The following TMEM132D variants were observed in gnomAD, a reference collection of about 807,000 sequenced individuals.
TMEM132D encodes the protein mature OL transmembrane protein.
TMEM132D carries 21 observed loss-of-function variants against 62.3 expected under a neutral mutation model. That is an observed-to-expected ratio of 0.34 (90% CI 0.24 to 0.49). TMEM132D has a LOEUF of 0.49. Among genes scored for constraint, TMEM132D ranks in the 20% least tolerant of loss-of-function variants. TMEM132D has a pLI of 0.99. For synonymous variants in TMEM132D, 621 were observed against 575.6 expected (o/e 1.08, Z -1.13); for missense variants, 1,346 against 1,402.8 (o/e 0.96, Z 0.65).
At chr12:129,829,532 G>A (rs1252444161) in intron 1 of TMEM132D, among the ~76,000 whole-genome samples, 3 of 152,082 alleles carry the variant, frequency 2.0e-5, no homozygotes, top group African/African-American at 7.2e-5. Context: ...CCAAACTCAG[G>A]GCCTCCTTGT....
At chr12:129,180,975 T>C (rs1018369726) in intron 5 of TMEM132D, among the ~76,000 whole-genome samples, 7 of 151,946 alleles carry the variant, frequency 4.6e-5, no homozygotes, top group African/African-American at 1.7e-4. Flanking sequence ...AGAGCATGAT[T>C]CGATGGAGGT....
intron 2 of TMEM132D, among the ~76,000 whole-genome samples, chr12:129,606,672 C>G (rs1565920488): frequency 6.6e-6 from 1 of 152,178 alleles, no homozygotes; most frequent in Non-Finnish European, 1.5e-5. Context: ...ATAGGGAGAA[C>G]TCAGAACTAA....
chr12:129,516,329 T>C (rs570762968), intron 3 of TMEM132D, among the ~76,000 whole-genome samples: 3 of 152,312 alleles, frequency 2.0e-5, no homozygotes, highest in African/African-American at 7.2e-5. Flanking sequence ...GAAACCTAGT[T>C]CCACCATGTA....
At chr12:129,429,458 G>C (rs1208455445) in intron 3 of TMEM132D, among the ~76,000 whole-genome samples, 1 of 151,988 alleles carries the variant, frequency 6.6e-6, no homozygotes, top group Admixed American at 6.6e-5. Flanking sequence ...CAAAGAAGAG[G>C]CCCCCCCAGG....
At chr12:129,691,121 T>G (rs917719550) in intron 2 of TMEM132D, among the ~76,000 whole-genome samples, 1 of 151,990 alleles carries the variant, frequency 6.6e-6, no homozygotes, top group Non-Finnish European at 1.5e-5. Context: ...AAATTTAAAG[T>G]ATTTTAAACT....
In TMEM132D at chr12:129,371,428, AGAT is replaced by A. The variant is rs202137778; in HGVS notation, c.1116-33614_1116-33612del. Among the ~76,000 whole-genome samples, 287 of 151,184 alleles carry A rather than the reference AGAT, an allele frequency of 1.9e-3. No individual in the cohort carries two copies. Among genetic ancestry groups the A allele is most frequent in the African/African-American group, 6.3e-3 (260 of 41,114 alleles). ...ATGATGATGATGATGGTGATAATGGAGATGATGATGATGTGATATTGATGATGG... is the reference window on the plus strand; with the variant it reads ...ATGATGATGATGATGGTGATAATGGAGATGATGATGTGATATTGATGATGG... On this transcript the variant is annotated intron_variant, in intron 3 of 8. Transcript: ENST00000422113. This position sits in a 1 kb window ranked among gnomAD's most constrained non-coding sequence, Gnocchi z 4.3.
At chr12:129,357,741 G>C (rs1202146608) in intron 3 of TMEM132D, among the ~76,000 whole-genome samples, 2 of 152,188 alleles carry the variant, frequency 1.3e-5, no homozygotes, top group Non-Finnish European at 2.9e-5. Flanking sequence ...CCCAAGAGGT[G>C]CTAGCTCCAC....
intron 1 of TMEM132D, among the ~76,000 whole-genome samples, chr12:129,811,907 G>A (rs1310555573): frequency 6.6e-6 from 1 of 151,680 alleles, no homozygotes; most frequent in Non-Finnish European, 1.5e-5. Context: ...CAGTGAGCCT[G>A]GAAGCCAGCT....
chr12:129,290,729 A>G (rs1881427905), intron 4 of TMEM132D, among the ~76,000 whole-genome samples: 1 of 152,244 alleles, frequency 6.6e-6, no homozygotes, highest in Non-Finnish European at 1.5e-5. Flanking sequence ...TAATATATTC[A>G]GGAATCATTT....
intron 5 of TMEM132D, among the ~76,000 whole-genome samples, chr12:129,194,669 T>G (rs1218253564): frequency 6.6e-6 from 1 of 152,244 alleles, no homozygotes; most frequent in Non-Finnish European, 1.5e-5. Context: ...CTTCTGCTTA[T>G]TTTTATTTGG....
At chr12:129,299,156 T>C (rs1386084223) in intron 4 of TMEM132D, among the ~76,000 whole-genome samples, 1 of 152,148 alleles carries the variant, frequency 6.6e-6, no homozygotes, top group Non-Finnish European at 1.5e-5. Flanking sequence ...CCATGAGATG[T>C]TGGCTGGAAT....
intron 4 of TMEM132D, among the ~76,000 whole-genome samples, chr12:129,291,119 C>T (rs1421211913): frequency 6.6e-6 from 1 of 152,196 alleles, no homozygotes. Context: ...ACTAAATCCT[C>T]TGATTTTAAG....
At chr12:129,835,451 C>T (rs1478045002) in intron 1 of TMEM132D, among the ~76,000 whole-genome samples, 5 of 151,868 alleles carry the variant, frequency 3.3e-5, no homozygotes, top group Non-Finnish European at 5.9e-5. Flanking sequence ...CCACCAGGTC[C>T]GGCTAATTGT....
At chr12:129,211,100 C>T (rs1879032550) in intron 4 of TMEM132D, 1 of 152,206 alleles carries the variant, frequency 6.6e-6, no homozygotes, top group African/African-American at 2.4e-5. Flanking sequence ...ATCACAAAAA[C>T]GTAGAAGTCC....
chr12:129,487,002 G>C (rs1430169076), intron 3 of TMEM132D, among the ~76,000 whole-genome samples: 1 of 150,650 alleles, frequency 6.6e-6, no homozygotes. Flanking sequence ...AGCGTGGCTG[G>C]AGAGTTGATG....
intron 1 of TMEM132D, among the ~76,000 whole-genome samples, chr12:129,744,766 C>T (rs1169728978): frequency 6.6e-6 from 1 of 152,170 alleles, no homozygotes; most frequent in Non-Finnish European, 1.5e-5. Context: ...AAGGCCTCAA[C>T]TGGAGATTCA....
At chr12:129,380,468 C>A (rs1182532564) in intron 3 of TMEM132D, among the ~76,000 whole-genome samples, 3 of 152,152 alleles carry the variant, frequency 2.0e-5, no homozygotes, top group Admixed American at 1.3e-4. Flanking sequence ...ATTGTAACAT[C>A]TTCTAGAATT....
chr12:129,798,871 C>G (rs1871648957), intron 1 of TMEM132D, among the ~76,000 whole-genome samples: 3 of 152,182 alleles, frequency 2.0e-5, no homozygotes, highest in Admixed American at 2.0e-4. Context: ...CATCTGAAGG[C>G]CAAATCCAAT....
intron 3 of TMEM132D, among the ~76,000 whole-genome samples, chr12:129,431,053 TTC>T (rs1233837069): frequency 1.3e-5 from 2 of 152,198 alleles, no homozygotes; most frequent in Admixed American, 6.5e-5. Context: ...CAGACTTGTG[TTC>T]TCTGTCTTGG....
Sources: gnomAD v4.1 joint callset for allele counts (sites outside exome capture counted in the v4.1 genomes callset) on GRCh38, gnomAD v4.1.1 for gene constraint, Gnocchi (gnomAD v3.1) non-coding constraint, MANE v1.5 for transcripts, NCBI Gene and HGNC (gene_info 2026-07-23, HGNC 2026-07-21) for gene names.